The following BACH1 variants were observed in gnomAD, a reference collection of about 807,000 sequenced individuals.
The protein encoded by BACH1 is transcription regulator protein BACH1.
A neutral mutation model predicts 52.9 loss-of-function variants in BACH1; 35 were observed. The ratio of observed to expected loss-of-function variants is 0.66; its 90% CI spans 0.51 to 0.88. The LOEUF (loss-of-function observed/expected upper bound fraction) is 0.88. BACH1 is among the 40% of genes least tolerant of loss of function. The pLI is 0.00. For synonymous variants in BACH1, 321 were observed against 319.6 expected (o/e 1.00, Z -0.05); for missense variants, 808 against 872.6 (o/e 0.93, Z 0.93).
chr21:29,356,130 G>A (rs1277150844), intron 2 of BACH1, among the ~76,000 whole-genome samples: 2 of 152,186 alleles, frequency 1.3e-5, no homozygotes, highest in Non-Finnish European at 2.9e-5. Flanking sequence ...TGGCTATTCC[G>A]GTTCCTGTAG....
In BACH1 at chr21:29,329,700, G is replaced by A. The variant is rs1381474994; in HGVS notation, c.1776+7G>A. ...ATCAGAAATTGAGAAGCTGGTAAGT[G>A]TAAAAGTTTCTTGTTACTATTTAAA... On this transcript the variant is annotated splice_region_variant and intron_variant, in intron 4 of 4. Transcript: ENST00000286800. 2 of 1,498,866 alleles carry A rather than the reference G, an allele frequency of 1.3e-6. No individual in the cohort carries two copies. Among genetic ancestry groups the A allele is most frequent in the Non-Finnish European group, 1.8e-6 (2 of 1,123,152 alleles). 92.8% of individuals were successfully genotyped at this position (1,498,866 alleles called of 1,614,324 possible).
chr21:29,329,467 ATATT>A lies in BACH1; in HGVS notation c.1570-14_1570-11del. 3 of 1,475,706 alleles carry A rather than the reference ATATT, an allele frequency of 2.0e-6. 1 individual carries two copies. Among genetic ancestry groups the A allele is most frequent in the East Asian group, 4.8e-5 (2 of 41,570 alleles). 91.4% of individuals were successfully genotyped at this position (1,475,706 alleles called of 1,614,324 possible). ...TTATAAAATACAGCAATAATTAGTA[ATATT>A]TATTTCATATTCTAGGTAAAACTGC... On this transcript the variant is annotated splice_polypyrimidine_tract_variant and intron_variant, in intron 3 of 4. Coordinates refer to ENST00000286800, the MANE Select transcript of BACH1 (RefSeq NM_001186.4).
intron 2 of BACH1, among the ~76,000 whole-genome samples, chr21:29,324,000 C>T (rs999859574): frequency 3.3e-5 from 5 of 152,062 alleles, no homozygotes; most frequent in African/African-American, 1.2e-4. Context: ...GCCTGTAATC[C>T]CAGCACTTTG....
At chr21:29,342,252 A>C in intron 4 of BACH1, 147 bp from the exon 5 acceptor site, 1 of 816,320 alleles carries the variant, frequency 1.2e-6, no homozygotes, top group Non-Finnish European at 1.9e-6. Context: ...GGCCTTTAGT[A>C]TTTAATGTAT....
At chr21:29,341,506 A>G (rs926667468) in intron 4 of BACH1, among the ~76,000 whole-genome samples, 4 of 152,248 alleles carry the variant, frequency 2.6e-5, no homozygotes, top group African/African-American at 9.6e-5. Flanking sequence ...GATAATAGAA[A>G]AGACATGCTG....
intron 2 of BACH1, among the ~76,000 whole-genome samples, chr21:29,360,570 C>T (rs534825952): frequency 2.6e-5 from 4 of 152,094 alleles, no homozygotes; most frequent in East Asian, 1.9e-4. Flanking sequence ...TCTGGCCAGG[C>T]GCAGTGGCTC....
At chr21:29,303,397 T>A (rs2088623759) in intron 1 of BACH1, among the ~76,000 whole-genome samples, 2 of 152,232 alleles carry the variant, frequency 1.3e-5, no homozygotes, top group Admixed American at 6.5e-5. Context: ...GTGCCTTGGC[T>A]GTGTTTCTTT....
chr21:29,334,632 C>T (rs1255902642), intron 4 of BACH1, among the ~76,000 whole-genome samples: 1 of 152,138 alleles, frequency 6.6e-6, no homozygotes, highest in South Asian at 2.1e-4. Flanking sequence ...AAATGTATTT[C>T]TTTTAGAAAG....
At position 29,326,133 on chromosome 21, in the gene BACH1, G is replaced by A. The variant is rs536072969; in HGVS notation, c.309G>A (p.Val103=). 2 of 1,614,078 alleles carry A rather than the reference G, an allele frequency of 1.2e-6. No individual in the cohort carries two copies. Among genetic ancestry groups the A allele is most frequent in the South Asian group, 2.2e-5 (2 of 91,066 alleles). ...AACTGATTTTAAGTAAAGAGAATGT[G>A]GATGAAGTGTGCAAATGTGTGGAGT... ...TAKLILSKEN[V]DEVCKCVEFL... is the part of the protein sequence containing the mutation. Residue 103 remains valine (V), a synonymous_variant, in exon 3 of 5, where the codon GTG becomes GTA. Coordinates refer to ENST00000286800, the MANE Select transcript of BACH1 (RefSeq NM_001186.4).
At chr21:29,349,299 T>C (rs1049088483), downstream of BACH1, among the ~76,000 whole-genome samples, 5 of 152,116 alleles carry the variant, frequency 3.3e-5, no homozygotes, top group African/African-American at 4.8e-5. Context: ...CTGTAGTACG[T>C]TGGAACCCAG....
chr21:29,358,806 G>GAA (rs1239184018), intron 2 of BACH1, among the ~76,000 whole-genome samples: 3 of 130,568 alleles, frequency 2.3e-5, no homozygotes, highest in Admixed American at 7.4e-5. Context: ...AAGAAAGAAA[G>GAA]AAAGAAAGAA....
downstream of BACH1, among the ~76,000 whole-genome samples, chr21:29,348,987 A>T (rs1027576316): frequency 6.6e-6 from 1 of 151,926 alleles, no homozygotes; most frequent in Non-Finnish European, 1.5e-5. Flanking sequence ...CCAGCTACTC[A>T]GGAGACTGAG....
intron 2 of BACH1, among the ~76,000 whole-genome samples, chr21:29,360,126 G>A (rs1249644813): frequency 6.6e-6 from 1 of 152,116 alleles, no homozygotes; most frequent in African/African-American, 2.4e-5. Flanking sequence ...CCAAACCAAT[G>A]TACCTCTTAT....
Position 29,326,262 on chromosome 21 carries a change from T to A in BACH1, c.438T>A (p.Phe146Leu), listed in dbSNP as rs747480535. ...AAGAATGCCCAAGAAAAAAATGCTT[T>A]TCATCACACTGTCAGAAAACAGACC... is the stretch of plus-strand genomic sequence containing the variant. Reference protein sequence around the residue: ...DQQECPRKKCFSSHCQKTDLK... With the variant: ...DQQECPRKKCLSSHCQKTDLK... Residue 146 changes from phenylalanine to leucine, a missense_variant, in exon 3 of 5, where the codon TTT (phenylalanine) becomes TTA (leucine). Phe to Leu is a conservative substitution (Grantham distance 22, BLOSUM62 0). Coordinates refer to ENST00000286800, the MANE Select transcript of BACH1 (RefSeq NM_001186.4). 1.9e-6 allele frequency: 3 copies of A among 1,614,068 alleles called. No individual in the cohort carries two copies. The highest frequency in any genetic ancestry group is 2.5e-6 in the Non-Finnish European group (3 of 1,180,014).
chr21:29,342,815 A>G lies in BACH1; in HGVS notation c.2193A>G (p.Lys731=). 1.2e-6 allele frequency: 2 copies of G among 1,600,876 alleles called. No homozygotes were observed. Among genetic ancestry groups the G allele is most frequent in the Non-Finnish European group, 1.7e-6 (2 of 1,170,470 alleles). ...ISDFCQQMTD[K]CTTDE ...ATTTCTGTCAGCAGATGACTGATAA[A>G]TGTACTACTGATGAGTAAACTTGCA... Residue 731 remains lysine, a synonymous_variant, in exon 5 of 5, where the codon AAA becomes AAG. Transcript: ENST00000286800.
Position 29,326,316 on chromosome 21 carries a change from T to C in BACH1, c.492T>C (p.Asp164=). 6.2e-7 allele frequency: 1 copy of C among 1,614,188 alleles called. No individual in the cohort carries two copies. Among genetic ancestry groups the C allele is most frequent in the East Asian group, 2.2e-5 (1 of 44,890 alleles). Residue 164 remains aspartate (D), a synonymous_variant, in exon 3 of 5, where the codon GAT becomes GAC. Coordinates refer to ENST00000286800, the MANE Select transcript of BACH1 (RefSeq NM_001186.4). ...DLKLSLLDQR[D]LETDEVEEFL... Reference sequence around the variant, plus strand: ...AACTTTCACTTTTGGACCAGAGGGATCTAGAAACTGATGAAGTGGAGGAAT... The same window carrying C: ...AACTTTCACTTTTGGACCAGAGGGACCTAGAAACTGATGAAGTGGAGGAAT...
At chr21:29,330,502 A>AG (rs989198956) in intron 4 of BACH1, among the ~76,000 whole-genome samples, 3 of 152,136 alleles carry the variant, frequency 2.0e-5, no homozygotes, top group Non-Finnish European at 4.4e-5. Flanking sequence ...TCCAGCATCA[A>AG]GACACAAATT....
intron 2 of BACH1, among the ~76,000 whole-genome samples, chr21:29,325,172 G>A (rs571317810): frequency 2.6e-5 from 4 of 152,268 alleles, no homozygotes; most frequent in African/African-American, 9.6e-5. Flanking sequence ...GGAGCTTGCA[G>A]TGAGCCGAGA....
At chr21:29,339,719 G>A (rs1237274209) in intron 4 of BACH1, among the ~76,000 whole-genome samples, 4 of 141,616 alleles carry the variant, frequency 2.8e-5, no homozygotes, top group African/African-American at 5.3e-5. Context: ...CGCAACCTCC[G>A]TCTCCCAGGC....
Sources: allele counts gnomAD v4.1 joint callset (sites outside exome capture counted in the v4.1 genomes callset), GRCh38; gene constraint gnomAD v4.1.1; transcripts MANE v1.5; gene names NCBI Gene and HGNC (gene_info 2026-07-23, HGNC 2026-07-21).